The following DMGDH variants were observed in gnomAD, a reference collection of about 807,000 sequenced individuals.
The protein encoded by DMGDH is dimethylglycine dehydrogenase, also known as dimethylglycine dehydrogenase, mitochondrial.
Under a neutral mutation model 95.2 loss-of-function variants are expected in DMGDH, and 76 were observed. The ratio of observed to expected loss-of-function variants is 0.80; its 90% CI spans 0.66 to 0.97. DMGDH has a LOEUF of 0.97. DMGDH is among the 50% of genes least tolerant of loss of function. The probability of loss-of-function intolerance (pLI) is 0.00; values close to 1 mark genes in which losing one functional copy is unlikely to be tolerated. For synonymous variants in DMGDH, 345 were observed against 377.6 expected (o/e 0.91, Z 1.00); for missense variants, 987 against 1,055.0 (o/e 0.94, Z 0.89).
intron 3 of DMGDH, among the ~76,000 whole-genome samples, chr5:79,055,166 A>G (rs1754989274): frequency 6.6e-6 from 1 of 152,268 alleles, no homozygotes; most frequent in Non-Finnish European, 1.5e-5. Flanking sequence ...AGAGTAGCTG[A>G]AGCAGATAAG....
At position 79,038,798 on chromosome 5, in the gene DMGDH, A is replaced by C. The variant is rs996000781; in HGVS notation, c.1193+3485T>G. Reference sequence around the variant, plus strand: ...ATGTGATTAGAGAGTTAGAACTTTCAGTCTACTCATCTGACAAAGGGCTAA... The same window carrying C: ...ATGTGATTAGAGAGTTAGAACTTTCCGTCTACTCATCTGACAAAGGGCTAA... On this transcript the variant is annotated intron_variant, in intron 7 of 15. Transcript: ENST00000255189. Among the ~76,000 whole-genome samples the C allele has an allele frequency of 2.0e-5, 3 of 152,188 alleles. No individual in the cohort carries two copies. In the South Asian group the frequency reaches 6.2e-4, roughly 31 times the overall value.
chr5:79,034,123 G>C (rs969769522), intron 7 of DMGDH, among the ~76,000 whole-genome samples: 1 of 152,164 alleles, frequency 6.6e-6, no homozygotes, highest in African/African-American at 2.4e-5. Flanking sequence ...ATCCTGACTG[G>C]TAGGAAACAC....
intron 2 of DMGDH, among the ~76,000 whole-genome samples, chr5:79,062,397 C>T (rs1755234785): frequency 6.7e-6 from 1 of 149,338 alleles, no homozygotes; most frequent in African/African-American, 2.5e-5. Flanking sequence ...GACTCTCCAC[C>T]CTATACTTTG....
Position 79,069,474 on chromosome 5 carries a change from C to T in DMGDH, c.101+46G>A, listed in dbSNP as rs1396274675. 12 of 1,192,394 alleles carry T rather than the reference C, an allele frequency of 1.0e-5. No individual in the cohort carries two copies. The African/African-American group carries it at 1.3e-4, about 13-fold the overall frequency. The allele number at this position is 1,192,394 out of a possible 1,614,324, so 73.9% of individuals were successfully genotyped here. ...CCTGCCTCAGCCTCTGGCTCCCACC[C>T]CCGCAGCCGCCCCGTCGCCTCTGAG... On this transcript the variant is annotated intron_variant, in intron 1 of 15. Transcript: ENST00000255189.
Position 79,029,542 on chromosome 5 carries a change from G to A in DMGDH, c.1814+362C>T, listed in dbSNP as rs183522278. Among the ~76,000 whole-genome samples, 3 of 152,272 alleles carry A rather than the reference G, an allele frequency of 2.0e-5. No individual in the cohort carries two copies. The East Asian group carries it at 5.8e-4, about 29-fold the overall frequency. On this transcript the variant is annotated intron_variant, in intron 11 of 15. Transcript: ENST00000255189. Reference sequence around the variant, plus strand: ...GGCATCAGAATCAAAAAGCTCGTGTGAGTAAGTTCCCTTATCCCAAACCTC... The same window carrying A: ...GGCATCAGAATCAAAAAGCTCGTGTAAGTAAGTTCCCTTATCCCAAACCTC...
intron 15 of DMGDH, among the ~76,000 whole-genome samples, chr5:79,004,532 C>G (rs1005680281): frequency 7.2e-5 from 11 of 152,174 alleles, no homozygotes; most frequent in Non-Finnish European, 1.6e-4. Flanking sequence ...ATGGTCTAAG[C>G]TGGGTGTCCC....
intron 15 of DMGDH, 21 bp from the exon 16 acceptor site, chr5:78,998,318 G>T (rs760723003): frequency 6.2e-7 from 1 of 1,602,916 alleles, no homozygotes; most frequent in Non-Finnish European, 8.5e-7. Context: ...AGACCCAACA[G>T]TCCTCAGCAT....
chr5:79,015,844 GA>G (rs1412370023), intron 14 of DMGDH, among the ~76,000 whole-genome samples: 1 of 152,106 alleles, frequency 6.6e-6, no homozygotes, highest in African/African-American at 2.4e-5. Context: ...CATAATGTTA[GA>G]AAATTAATAA....
intron 5 of DMGDH, among the ~76,000 whole-genome samples, chr5:79,050,273 A>AATATATATATATATATAT (rs761250761): frequency 1.4e-4 from 3 of 20,934 alleles, no homozygotes; most frequent in African/African-American, 4.7e-4. Flanking sequence ...AAAAAAAAAA[A>AATATATATATATATATAT]ATATATATAT....
intron 14 of DMGDH, among the ~76,000 whole-genome samples, chr5:79,008,070 A>T (rs1396989371): frequency 6.6e-6 from 1 of 152,236 alleles, no homozygotes; most frequent in Non-Finnish European, 1.5e-5. Flanking sequence ...ACAAATTTTG[A>T]AATATGACTC....
intron 14 of DMGDH, among the ~76,000 whole-genome samples, chr5:79,014,731 A>G (rs1753698445): frequency 6.6e-6 from 1 of 152,250 alleles, no homozygotes. Flanking sequence ...TGACAAATTT[A>G]TGGAGTGAAC....
chr5:79,027,897 A>G (rs1754045755), intron 12 of DMGDH, among the ~76,000 whole-genome samples: 1 of 147,808 alleles, frequency 6.8e-6, no homozygotes. Flanking sequence ...GCTGGAGTAC[A>G]GTGGTGTCAT....
chr5:79,030,917 G>C lies in DMGDH; in HGVS notation c.1599C>G (p.Asp533Glu), dbSNP rs1219047085. The C allele has an allele frequency of 6.2e-7, 1 of 1,614,094 alleles. No individual in the cohort carries two copies. Among genetic ancestry groups the C allele is most frequent in the Admixed American group, 1.7e-5 (1 of 60,014 alleles). ...TGTTAAACTTGCCAAATGGTGATAGGTCAGTTACCGCTACTCTTTGCATAA... is the reference window on the plus strand; with the variant it reads ...TGTTAAACTTGCCAAATGGTGATAGCTCAGTTACCGCTACTCTTTGCATAA... ...KQVMQRVAVT[D>E]LSPFGKFNIK... Residue 533 changes from aspartate (D) to glutamate (E), a missense_variant, in exon 10 of 16, where the codon GAC becomes GAG. Asp to Glu is a conservative substitution (Grantham distance 45). Coordinates refer to ENST00000255189, the MANE Select transcript of DMGDH (RefSeq NM_013391.3).
At chr5:79,019,485 T>C (rs1262945649) in intron 14 of DMGDH, among the ~76,000 whole-genome samples, 1 of 152,044 alleles carries the variant, frequency 6.6e-6, no homozygotes, top group Non-Finnish European at 1.5e-5. Context: ...CCTGTGGAGC[T>C]TTAAAAAGGA....
intron 14 of DMGDH, among the ~76,000 whole-genome samples, chr5:79,023,635 T>C (rs1753921156): frequency 6.6e-6 from 1 of 152,254 alleles, no homozygotes; most frequent in African/African-American, 2.4e-5. Flanking sequence ...CTGATGCTGT[T>C]AGTCTGAAGG....
rs79937443 is a variant in DMGDH, at chr5:79,063,315, T to C, written c.276+298A>G. ...TCACAATCCTATTAGGTAAGTACTA[T>C]TAATATTCCTATTAAGACATCAGAA... On this transcript the variant is annotated intron_variant, in intron 2 of 15. Transcript: ENST00000255189. Among the ~76,000 whole-genome samples the C allele has an allele frequency of 1.8e-3, 281 of 152,288 alleles. 1 individual carries two copies. The highest frequency in any genetic ancestry group is 0.015 in the East Asian group (79 of 5,182).
At chr5:79,057,385 T>G (rs949700844) in intron 2 of DMGDH, among the ~76,000 whole-genome samples, 3 of 152,194 alleles carry the variant, frequency 2.0e-5, no homozygotes, top group African/African-American at 4.8e-5. Context: ...TATAAGGTAC[T>G]TCTATGGTAG....
chr5:79,006,750 T>A (rs981932113), intron 14 of DMGDH, among the ~76,000 whole-genome samples: 2 of 152,112 alleles, frequency 1.3e-5, no homozygotes, highest in African/African-American at 4.8e-5. Context: ...CTTACACAGT[T>A]CTTTCTGCAC....
intron 14 of DMGDH, chr5:79,021,190 C>A: frequency 6.0e-6 from 6 of 993,960 alleles, no homozygotes; most frequent in Non-Finnish European, 7.2e-6. Flanking sequence ...CGGAGCACTT[C>A]CCACAAGATG....
Sources: allele counts gnomAD v4.1 joint callset (sites outside exome capture counted in the v4.1 genomes callset), GRCh38; gene constraint gnomAD v4.1.1; transcripts MANE v1.5; gene names NCBI Gene and HGNC (gene_info 2026-07-23, HGNC 2026-07-21).